The following KCNK10 variants were observed in gnomAD, a reference collection of about 807,000 sequenced individuals.
KCNK10 encodes the protein potassium two pore domain channel subfamily K member 10, also known as potassium channel subfamily K member 10.
A neutral mutation model predicts 47.7 loss-of-function variants in KCNK10; 25 were observed. The ratio of observed to expected loss-of-function variants is 0.52; its 90% confidence interval spans 0.38 to 0.73. KCNK10 has a LOEUF of 0.73. Among genes scored for constraint, KCNK10 ranks in the 30% least tolerant of loss-of-function variants. KCNK10 has a pLI of 0.00. For missense variants in KCNK10, 563 were observed against 714.5 expected, an observed-to-expected ratio of 0.79 and a Z score of 2.42; for synonymous variants, 303 against 285.6, an observed-to-expected ratio of 1.06 and a Z score of -0.61.
chr14:88,198,101 T>C (rs1884982330), intron 4 of KCNK10, among the ~76,000 whole-genome samples: 1 of 152,182 alleles, frequency 6.6e-6, no homozygotes, highest in South Asian at 2.1e-4. Flanking sequence ...AACATTCTTG[T>C]AGCTCTGGCA....
At chr14:88,315,192 T>C (rs930860085) in intron 1 of KCNK10, among the ~76,000 whole-genome samples, 6 of 152,192 alleles carry the variant, frequency 3.9e-5, no homozygotes, top group Non-Finnish European at 7.3e-5. Flanking sequence ...GAAACAGATC[T>C]ATCATAATCA....
At chr14:88,283,232 T>TATGTAAA (rs1412103670) in intron 1 of KCNK10, among the ~76,000 whole-genome samples, 3 of 152,222 alleles carry the variant, frequency 2.0e-5, no homozygotes, top group Admixed American at 2.0e-4. Context: ...GGGACACATT[T>TATGTAAA]ATGTAAAAAA....
At chr14:88,310,866 A>G (rs1888314624) in intron 1 of KCNK10, among the ~76,000 whole-genome samples, 8 of 152,214 alleles carry the variant, frequency 5.3e-5, no homozygotes, top group Admixed American at 5.2e-4. Flanking sequence ...TGAGAGCCAC[A>G]TGCTTCCAAA....
chr14:88,210,590 C>A (rs539789916), intron 4 of KCNK10, among the ~76,000 whole-genome samples: 1 of 152,238 alleles, frequency 6.6e-6, no homozygotes, highest in South Asian at 2.1e-4. Context: ...CGTCCTCCCA[C>A]CAGCTCTGCG....
At position 88,183,312 on chromosome 14, in the gene KCNK10, G is replaced by A. The variant is rs936832653; in HGVS notation, c.*2223C>T. The A allele has an allele frequency of 2.0e-5, 3 of 152,350 alleles. No individual in the cohort carries two copies. The highest frequency in any genetic ancestry group is 7.2e-5 in the African/African-American group (3 of 41,468). 9.4% of individuals were successfully genotyped at this position (152,350 alleles called of 1,614,324 possible). A position where few individuals can be genotyped will look rare whatever the true frequency, so the allele number is the denominator to read the frequency against. ...TGTGCCTGGCCCACAGAAGGCACTG[G>A]ATAAATGAGAGGGAAGCCTCTGCCA... is the stretch of plus-strand genomic sequence containing the variant. On this transcript the variant is annotated 3_prime_UTR_variant, in exon 7 of 7. Transcript: ENST00000319231.
intron 2 of KCNK10, among the ~76,000 whole-genome samples, chr14:88,242,183 G>C (rs1886498443): frequency 6.6e-6 from 1 of 152,124 alleles, no homozygotes; most frequent in Admixed American, 6.5e-5. Context: ...TGTTAAAACA[G>C]GCATACAGTG....
chr14:88,203,893 G>A (rs1222527182), intron 4 of KCNK10, among the ~76,000 whole-genome samples: 1 of 152,218 alleles, frequency 6.6e-6, no homozygotes, highest in African/African-American at 2.4e-5. Context: ...CCGAGGGCAG[G>A]GAAACTTGGA....
intron 3 of KCNK10, among the ~76,000 whole-genome samples, chr14:88,238,094 C>A (rs1457992238): frequency 1.3e-5 from 2 of 150,280 alleles, no homozygotes; most frequent in Non-Finnish European, 2.9e-5. Context: ...GCCACTTTAA[C>A]CTGCACTTTT....
At chr14:88,225,932 C>T (rs762996112) in intron 4 of KCNK10, among the ~76,000 whole-genome samples, 1 of 152,170 alleles carries the variant, frequency 6.6e-6, no homozygotes, top group African/African-American at 2.4e-5. Flanking sequence ...CCCAGGTGCA[C>T]GGTCTAATGA....
chr14:88,296,387 G>A (rs1409438080), intron 1 of KCNK10, among the ~76,000 whole-genome samples: 1 of 152,170 alleles, frequency 6.6e-6, no homozygotes, highest in Non-Finnish European at 1.5e-5. Flanking sequence ...TTGTAGAATT[G>A]TTATCATTTA....
chr14:88,224,019 TA>T (rs5810403), intron 4 of KCNK10, among the ~76,000 whole-genome samples: 94,120 of 146,600 alleles, frequency 0.64, 30,312 homozygotes, highest in African/African-American at 0.78. Flanking sequence ...CATCTCCACT[TA>T]AAAAAAAAAA....
intron 2 of KCNK10, among the ~76,000 whole-genome samples, chr14:88,258,376 C>T (rs982767430): frequency 1.3e-5 from 2 of 151,742 alleles, no homozygotes; most frequent in Non-Finnish European, 2.9e-5. Context: ...CTGTAACCTC[C>T]GCCTCCCAGG....
intron 2 of KCNK10, among the ~76,000 whole-genome samples, chr14:88,241,983 C>T (rs867018938): frequency 2.0e-5 from 3 of 148,310 alleles, no homozygotes; most frequent in Non-Finnish European, 4.5e-5. Context: ...GCTGTTCACA[C>T]GGGTGAACTG....
intron 1 of KCNK10, among the ~76,000 whole-genome samples, chr14:88,275,007 C>T (rs908043380): frequency 3.9e-5 from 6 of 152,106 alleles, no homozygotes; most frequent in Middle Eastern, 3.2e-3. Context: ...TCCAAAGATG[C>T]CTCAGGGGCC....
intron 1 of KCNK10, among the ~76,000 whole-genome samples, chr14:88,269,921 T>G (rs1400801416): frequency 6.6e-6 from 1 of 152,168 alleles, no homozygotes; most frequent in Non-Finnish European, 1.5e-5. Context: ...CATTCCTCCA[T>G]GTCACCTGAA....
chr14:88,249,341 C>A (rs370292925), intron 2 of KCNK10, among the ~76,000 whole-genome samples: 2 of 152,154 alleles, frequency 1.3e-5, no homozygotes, highest in African/African-American at 4.8e-5. Context: ...GGTTTTAGAT[C>A]GAAAAGGGTG....
intron 1 of KCNK10, among the ~76,000 whole-genome samples, chr14:88,297,634 G>A (rs1888013105): frequency 6.6e-6 from 1 of 152,106 alleles, no homozygotes; most frequent in Admixed American, 6.5e-5. Context: ...ACCAATCCCA[G>A]TGATGATGGG....
intron 3 of KCNK10, among the ~76,000 whole-genome samples, chr14:88,239,770 A>G (rs1287143731): frequency 6.6e-6 from 1 of 152,056 alleles, no homozygotes; most frequent in East Asian, 1.9e-4. Context: ...GAGGCAAGAG[A>G]ATCACTTGAA....
chr14:88,230,918 C>T (rs991399278), intron 3 of KCNK10, among the ~76,000 whole-genome samples: 5 of 152,174 alleles, frequency 3.3e-5, no homozygotes, highest in African/African-American at 9.7e-5. Flanking sequence ...GCACAATGCA[C>T]GTTAACTAGT....
Sources: gnomAD v4.1 joint callset for allele counts (sites outside exome capture counted in the v4.1 genomes callset) on GRCh38, gnomAD v4.1.1 for gene constraint, MANE v1.5 for transcripts, NCBI Gene and HGNC (gene_info 2026-07-23, HGNC 2026-07-21) for gene names.